Variants in NME2 observed in about 807,000 individuals in gnomAD.
NME2 encodes nucleoside diphosphate kinase B.
A neutral mutation model predicts 17.8 loss-of-function variants in NME2; 18 were observed. That is an observed-to-expected ratio of 1.01 (90% CI 0.70 to 1.50). The LOEUF is 1.50. Ranked by LOEUF, NME2 falls within the 40% of genes most tolerant of loss-of-function variation. The probability of loss-of-function intolerance (pLI) is 0.00; values close to 1 mark genes in which losing one functional copy is unlikely to be tolerated. For synonymous variants in NME2, 74 were observed against 71.4 expected (o/e 1.04, Z -0.19); for missense variants, 161 against 195.6 (o/e 0.82, Z 1.05).
In NME2 at chr17:51,171,523, T is replaced by C; in HGVS notation, c.378T>C (p.Ala126=). Residue 126 remains alanine, a synonymous_variant, in exon 5 of 5, where the codon GCT becomes GCC. Transcript: ENST00000512737. ...ATGGCAGTGATTCAGTAAAAAGTGC[T>C]GAAAAAGAAATCAGCCTATGGTTTA... ...IIHGSDSVKS[A]EKEISLWFKP... is the part of the protein sequence containing the mutation. 5.6e-6 allele frequency: 9 copies of C among 1,613,842 alleles called. No individual in the cohort carries two copies. The highest frequency in any genetic ancestry group is 7.6e-6 in the Non-Finnish European group (9 of 1,179,736).
intron 1 of NME2, 133 bp downstream of exon 1, chr17:51,166,630 C>T (rs942122683): frequency 9.9e-6 from 4 of 402,636 alleles, no homozygotes; most frequent in African/African-American, 6.4e-5. Flanking sequence ...GCGGGAGATT[C>T]CCTTGCAGCT....
rs2050027001 is a variant in NME2 at position 51,169,698 on chromosome 17, T to C, written c.229-239T>C. 3 of 434,818 alleles carry C rather than the reference T, an allele frequency of 6.9e-6. No individual in the cohort carries two copies. In the South Asian group the frequency reaches 8.1e-5, roughly 12 times the overall value. 26.9% of individuals were successfully genotyped at this position (434,818 alleles called of 1,614,324 possible). A position where few individuals can be genotyped will look rare whatever the true frequency, so the allele number is the denominator to read the frequency against. ...ATGGCTGCATAAGGATTCTGCAACA[T>C]TGTTTATCTCTGTCTCAGCTAAACT... On this transcript the variant is annotated intron_variant, in intron 3 of 4. Coordinates refer to ENST00000512737, the MANE Select transcript of NME2 (RefSeq NM_002512.4).
At chr17:51,171,107 T>C (rs551797509) in intron 4 of NME2, among the ~76,000 whole-genome samples, 140 of 152,316 alleles carry the variant, frequency 9.2e-4, no homozygotes, top group African/African-American at 3.2e-3. Flanking sequence ...TATAAGAAAA[T>C]GCAGCAGAGC....
At chr17:51,167,123 G>GGGT (rs1039566288) in intron 2 of NME2, 167 bp downstream of exon 2, 2 of 1,436,806 alleles carry the variant, frequency 1.4e-6, no homozygotes, top group Non-Finnish European at 1.9e-6. Flanking sequence ...CCCTTTCCCG[G>GGGT]GGTGGTGGGG....
rs567778486 is a variant in NME2, at chr17:51,166,788, G to C, written c.-4-39G>C. On this transcript the variant is annotated intron_variant, in intron 1 of 4. Transcript: ENST00000512737. The stretch of plus-strand genomic sequence containing the variant: ...CGTGGCCTCCGCGGGCCCCGCCAGA[G>C]CCTGCGCCCGGGCCCTGACCGCACC... The C allele has an allele frequency of 5.8e-6, 9 of 1,562,416 alleles. No homozygotes were observed. In the South Asian group the frequency reaches 9.2e-5, roughly 16 times the overall value.
chr17:51,169,775 G>A, intron 3 of NME2, 162 bp from the exon 4 acceptor site: 1 of 596,420 alleles, frequency 1.7e-6, no homozygotes, highest in Non-Finnish European at 2.9e-6. Context: ...CAATACGTTT[G>A]GAATGCAGTT....
chr17:51,167,319 T>A (rs2049967850), intron 2 of NME2: 3 of 308,834 alleles, frequency 9.7e-6, no homozygotes, highest in South Asian at 8.4e-5. Context: ...AGGCTTGGAA[T>A]CTCCTTTGCT....
intron 2 of NME2, 27 bp downstream of exon 2, chr17:51,166,983 C>T (rs1416990661): frequency 6.2e-7 from 1 of 1,610,238 alleles, no homozygotes; most frequent in South Asian, 1.1e-5. Flanking sequence ...TCCCCTTCCC[C>T]GCTGCAGCCG....
rs553120746 is a variant in NME2, at chr17:51,166,563, G to C, written c.-5+66G>C. ...TCCCTCTTCCGCTTGCGCTGCCGCA[G>C]GTGGGCCCGGTCTGTGGGCGCCCCC... On this transcript the variant is annotated intron_variant, in intron 1 of 4. Coordinates refer to ENST00000512737, the MANE Select transcript of NME2 (RefSeq NM_002512.4). 2.9e-5 allele frequency: 7 copies of C among 245,424 alleles called. No homozygotes were observed. In the South Asian group the frequency reaches 1.2e-3, roughly 42 times the overall value. The allele number at this position is 245,424 out of a possible 1,614,324, so 15.2% of individuals were successfully genotyped here. A position where few individuals can be genotyped will look rare whatever the true frequency, so the allele number is the denominator to read the frequency against.
rs546498146 is a variant in NME2, at chr17:51,167,283, C to T, written c.126+327C>T. 1.7e-3 allele frequency: 626 copies of T among 379,348 alleles called. 13 individuals are homozygous for T. Among genetic ancestry groups the T allele is most frequent in the South Asian group, 0.014 (615 of 43,310 alleles). The allele number at this position is 379,348 out of a possible 1,614,324, so 23.5% of individuals were successfully genotyped here. A position where few individuals can be genotyped will look rare whatever the true frequency, so the allele number is the denominator to read the frequency against. The stretch of plus-strand genomic sequence containing the variant: ...GCCCCAGACCCCCTGCGCCTGCCCA[C>T]TCGGGTCCACCTAGGCACAGAATGG... On this transcript the variant is annotated intron_variant, in intron 2 of 4. Coordinates refer to ENST00000512737, the MANE Select transcript of NME2 (RefSeq NM_002512.4).
rs1418305179 is a variant in NME2 at position 51,169,994 on chromosome 17, C to A, written c.286C>A (p.Pro96Thr). The A allele has an allele frequency of 1.2e-6, 2 of 1,613,384 alleles. No homozygotes were observed. The highest frequency in any genetic ancestry group is 1.7e-6 in the Non-Finnish European group (2 of 1,179,782). ...CCGAGTGATGCTTGGGGAGACCAAT[C>A]CAGCAGATTCAAAGCCAGGCACCAT... ...TGRVMLGETN[P>T]ADSKPGTIRG... Residue 96 changes from proline to threonine, a missense_variant, in exon 4 of 5, where the codon CCA becomes ACA. Pro to Thr is a conservative substitution (Grantham distance 38). Coordinates refer to ENST00000512737, the MANE Select transcript of NME2 (RefSeq NM_002512.4).
At chr17:51,170,821 T>G (rs568888697) in intron 4 of NME2, among the ~76,000 whole-genome samples, 1 of 150,842 alleles carries the variant, frequency 6.6e-6, no homozygotes, top group South Asian at 2.1e-4. Context: ...CACACATAGC[T>G]TCTTCCCTAG....
chr17:51,166,692 G>T, intron 1 of NME2, 135 bp from the exon 2 acceptor site: 2 of 942,312 alleles, frequency 2.1e-6, no homozygotes, highest in Non-Finnish European at 2.8e-6. Flanking sequence ...CCTGCGCGGG[G>T]CGGAAGCGGC....
intron 3 of NME2, among the ~76,000 whole-genome samples, chr17:51,168,733 C>T (rs2050001816): frequency 1.3e-5 from 2 of 151,920 alleles, no homozygotes; most frequent in African/African-American, 4.8e-5. Flanking sequence ...TAAATAGAAT[C>T]TCACTGCCTG....
Position 51,166,857 on chromosome 17 carries a change from C to T in NME2, c.27C>T (p.Ile9=), listed in dbSNP as rs367905405. ...TGGCCAACCTGGAGCGCACCTTCATCGCCATCAAGCCGGACGGCGTGCAGC... is the reference window on the plus strand; with the variant it reads ...TGGCCAACCTGGAGCGCACCTTCATTGCCATCAAGCCGGACGGCGTGCAGC... The part of the protein sequence containing the change: MANLERTF[I]AIKPDGVQRG... Residue 9 remains isoleucine (I), a synonymous_variant, in exon 2 of 5, where the codon ATC becomes ATT. Coordinates refer to ENST00000512737, the MANE Select transcript of NME2 (RefSeq NM_002512.4). 3 of 1,613,466 alleles carry T rather than the reference C, an allele frequency of 1.9e-6. No individual in the cohort carries two copies. The highest frequency in any genetic ancestry group is 1.3e-5 in the African/African-American group (1 of 74,910).
rs184996975 is a variant in NME2, at chr17:51,167,271, T to G, written c.126+315T>G. ...GAAAAACCCCGGGCCCCAGACCCCC[T>G]GCGCCTGCCCACTCGGGTCCACCTA... On this transcript the variant is annotated intron_variant, in intron 2 of 4. Coordinates refer to ENST00000512737, the MANE Select transcript of NME2 (RefSeq NM_002512.4). 2.2e-3 allele frequency: 885 copies of G among 398,426 alleles called. 4 individuals are homozygous for G. The highest frequency in any genetic ancestry group is 3.4e-3 in the Non-Finnish European group (736 of 218,072). The allele number at this position is 398,426 out of a possible 1,614,324, so 24.7% of individuals were successfully genotyped here.
intron 4 of NME2, among the ~76,000 whole-genome samples, chr17:51,170,282 C>T (rs990904080): frequency 2.6e-5 from 4 of 151,452 alleles, no homozygotes; most frequent in South Asian, 4.2e-4. Context: ...GCTGGGATTA[C>T]AGGTGCACAC....
chr17:51,166,170 ACT>A (rs1416937625), upstream of NME2: 1 of 153,422 alleles, frequency 6.5e-6, no homozygotes, highest in Non-Finnish European at 1.4e-5. Flanking sequence ...CACGGGAAGT[ACT>A]GAGAGGTGAG....
chr17:51,167,637 C>A (rs1410049316), intron 2 of NME2, among the ~76,000 whole-genome samples: 3 of 143,146 alleles, frequency 2.1e-5, no homozygotes, highest in South Asian at 2.1e-4. Context: ...AAACCACCTA[C>A]TTTTTAGGCT....
Sources: gnomAD v4.1 joint callset for allele counts (sites outside exome capture counted in the v4.1 genomes callset) on GRCh38, gnomAD v4.1.1 for gene constraint, MANE v1.5 for transcripts, NCBI Gene and HGNC (gene_info 2026-07-23, HGNC 2026-07-21) for gene names.